SLC22A24: variants seen among roughly 807,000 people sequenced by gnomAD.
The protein encoded by SLC22A24 is solute carrier family 22 member 24, also known as steroid transmembrane transporter SLC22A24.
SLC22A24 carries 53 observed loss-of-function variants against 49.8 expected under a neutral mutation model. The ratio of observed to expected loss-of-function variants is 1.06; its 90% CI spans 0.85 to 1.34. The LOEUF (loss-of-function observed/expected upper bound fraction) is 1.34. SLC22A24 is among the 40% of genes most tolerant of loss of function. SLC22A24 has a pLI of 0.00. For synonymous variants in SLC22A24, 302 were observed against 256.4 expected, an observed-to-expected ratio of 1.18 and a Z score of -1.70; for missense variants, 786 against 675.9, an observed-to-expected ratio of 1.16 and a Z score of -1.81.
intron 2 of SLC22A24, among the ~76,000 whole-genome samples, chr11:63,119,624 A>G (rs888615396): frequency 2.6e-5 from 4 of 152,152 alleles, no homozygotes; most frequent in Non-Finnish European, 5.9e-5. Context: ...GTTGTCCCAT[A>G]TTTCCCAAAT....
At chr11:63,112,478 G>T (rs925056211) in intron 4 of SLC22A24, among the ~76,000 whole-genome samples, 5 of 151,924 alleles carry the variant, frequency 3.3e-5, no homozygotes, top group Non-Finnish European at 5.9e-5. Flanking sequence ...TTATCGTGTG[G>T]GAGTCTAAGT....
chr11:63,143,092 A>G (rs1339888882), intron 1 of SLC22A24, among the ~76,000 whole-genome samples: 1 of 152,194 alleles, frequency 6.6e-6, no homozygotes, highest in Non-Finnish European at 1.5e-5. Context: ...GTTGATTGTA[A>G]TGGTTCCTAT....
chr11:63,136,354 G>A (rs1384191639), intron 1 of SLC22A24, among the ~76,000 whole-genome samples: 2 of 152,160 alleles, frequency 1.3e-5, no homozygotes, highest in African/African-American at 2.4e-5. Flanking sequence ...TCAGCACTTC[G>A]ATGAGATGCA....
chr11:63,094,050 T>G (rs1199097051), intron 6 of SLC22A24, among the ~76,000 whole-genome samples: 1 of 152,046 alleles, frequency 6.6e-6, no homozygotes. Flanking sequence ...TGCAGGTTTG[T>G]TACATATGTA....
chr11:63,134,586 G>T, intron 2 of SLC22A24, 79 bp downstream of exon 2: 1 of 835,428 alleles, frequency 1.2e-6, no homozygotes, highest in Non-Finnish European at 2.0e-6. Flanking sequence ...TACAGTAAGA[G>T]CTCAGTAAAT....
intron 5 of SLC22A24, among the ~76,000 whole-genome samples, chr11:63,103,589 A>T (rs2087103561): frequency 6.6e-6 from 1 of 152,188 alleles, no homozygotes; most frequent in African/African-American, 2.4e-5. Context: ...TCCAGTCATG[A>T]GAAGAAAAAC....
At chr11:63,085,553 A>G (rs1472927320) in intron 6 of SLC22A24, among the ~76,000 whole-genome samples, 1 of 152,234 alleles carries the variant, frequency 6.6e-6, no homozygotes, top group African/African-American at 2.4e-5. Flanking sequence ...CAATTTGCAT[A>G]GTTCCATTTT....
rs111597569 is a variant in SLC22A24 at position 63,080,712 on chromosome 11, G to A, written c.1598+208C>T. Reference sequence around the variant, plus strand: ...TGAACCTTCTGGTGTGAAATGGTCTGTGTGACATAGAGGGCCTCAAGAGTC... The same window carrying A: ...TGAACCTTCTGGTGTGAAATGGTCTATGTGACATAGAGGGCCTCAAGAGTC... On this transcript the variant is annotated intron_variant, in intron 9 of 9. Transcript: ENST00000612278. Among the ~76,000 whole-genome samples, 11 of 152,292 alleles carry A rather than the reference G, an allele frequency of 7.2e-5. No homozygotes were observed. In the East Asian group the frequency reaches 1.5e-3, roughly 21 times the overall value.
intron 4 of SLC22A24, among the ~76,000 whole-genome samples, chr11:63,105,340 C>T (rs1002014243): frequency 3.5e-5 from 4 of 114,496 alleles, no homozygotes; most frequent in African/African-American, 1.4e-4. Flanking sequence ...CCAGTGGGGA[C>T]TCTCTGTGGG....
At chr11:63,122,517 T>C (rs977469908) in intron 2 of SLC22A24, among the ~76,000 whole-genome samples, 3 of 151,754 alleles carry the variant, frequency 2.0e-5, no homozygotes, top group African/African-American at 7.3e-5. Flanking sequence ...ATTTAAACAT[T>C]TATTTATTTA....
rs2087185627 is a variant in SLC22A24, at chr11:63,113,189, C to CACATATATAT, written c.830+5713_830+5722dup. Among the ~76,000 whole-genome samples, 2 of 7,836 alleles carry CACATATATAT rather than the reference C, an allele frequency of 2.6e-4. 1 individual carries two copies. The highest frequency in any genetic ancestry group is 5.2e-4 in the African/African-American group (2 of 3,824). The allele number at this position is 7,836 out of a possible 152,430, so 5.1% of individuals were successfully genotyped here. ...ACACATATATATACATATATATATA[C>CACATATATAT]ACATATATATATACATATATATACA... On this transcript the variant is annotated intron_variant, in intron 4 of 9. Coordinates refer to ENST00000612278, the MANE Select transcript of SLC22A24 (RefSeq NM_001136506.2).
intron 5 of SLC22A24, among the ~76,000 whole-genome samples, chr11:63,101,628 A>T (rs1469617283): frequency 6.6e-6 from 1 of 152,080 alleles, no homozygotes; most frequent in African/African-American, 2.4e-5. Context: ...ATTTGAAGAG[A>T]TATCTGCACT....
At chr11:63,105,867 C>T (rs1261098394) in intron 4 of SLC22A24, among the ~76,000 whole-genome samples, 1 of 152,104 alleles carries the variant, frequency 6.6e-6, no homozygotes, top group Non-Finnish European at 1.5e-5. Flanking sequence ...ATCACATCAT[C>T]AGGCTGCAAA....
intron 1 of SLC22A24, among the ~76,000 whole-genome samples, chr11:63,142,545 GGACTAGA>G (rs2087421948): frequency 6.6e-6 from 1 of 152,070 alleles, no homozygotes; most frequent in Non-Finnish European, 1.5e-5. Flanking sequence ...TCTTGCCTGG[GGACTAGA>G]TTAACGTTAG....
intron 2 of SLC22A24, among the ~76,000 whole-genome samples, chr11:63,121,535 G>A (rs899290200): frequency 1.3e-5 from 2 of 151,884 alleles, no homozygotes; most frequent in African/African-American, 2.4e-5. Context: ...ACAAAGGTTA[G>A]AAAGAGATTG....
intron 4 of SLC22A24, among the ~76,000 whole-genome samples, chr11:63,109,315 A>G (rs1406118215): frequency 1.4e-5 from 2 of 146,140 alleles, no homozygotes; most frequent in South Asian, 4.6e-4. Context: ...ATACATGTGC[A>G]TGTGTCTTTA....
intron 4 of SLC22A24, among the ~76,000 whole-genome samples, chr11:63,106,301 A>C (rs1394676571): frequency 6.6e-6 from 1 of 152,044 alleles, no homozygotes; most frequent in African/African-American, 2.4e-5. Flanking sequence ...CATGGTGTAT[A>C]TGTGCCACAT....
Sources: allele counts gnomAD v4.1 joint callset (sites outside exome capture counted in the v4.1 genomes callset), GRCh38; gene constraint gnomAD v4.1.1; transcripts MANE v1.5; gene names NCBI Gene and HGNC (gene_info 2026-07-23, HGNC 2026-07-21).